Variants in DGCR2 observed in about 807,000 individuals in gnomAD.
DGCR2 encodes DiGeorge syndrome critical region gene 2.
In DGCR2, 24 loss-of-function variants were observed where a neutral mutation model predicts 51.6. That is an observed-to-expected ratio of 0.47 (90% CI 0.34 to 0.65). The LOEUF (loss-of-function observed/expected upper bound fraction) is 0.65, where lower values mean the gene tolerates loss of function less well. Ranked by LOEUF, DGCR2 falls within the 30% of genes least tolerant of loss-of-function variation. DGCR2 has a pLI of 0.01. For synonymous variants in DGCR2, 340 were observed against 315.4 expected, an observed-to-expected ratio of 1.08 and a Z score of -0.82; for missense variants, 765 against 772.1, an observed-to-expected ratio of 0.99 and a Z score of 0.11.
chr22:19,095,307 A>C (rs889137399), intron 1 of DGCR2, among the ~76,000 whole-genome samples: 2 of 152,108 alleles, frequency 1.3e-5, no homozygotes, highest in African/African-American at 4.8e-5. Context: ...GGTTGCAGTG[A>C]GTCGAAATCA....
At chr22:19,046,020 G>A (rs1002944370) in intron 7 of DGCR2, 1 of 152,106 alleles carries the variant, frequency 6.6e-6, no homozygotes, top group Non-Finnish European at 1.5e-5. Flanking sequence ...GAGACACCAT[G>A]CCTCGCTCCA....
chr22:19,067,737 C>T (rs983501644), intron 3 of DGCR2, among the ~76,000 whole-genome samples: 5 of 151,182 alleles, frequency 3.3e-5, no homozygotes, highest in Non-Finnish European at 7.4e-5. Context: ...AATAAGGAGT[C>T]GAGCCTTCCC....
In DGCR2 at chr22:19,041,305, A is replaced by G. The variant is rs201045392; in HGVS notation, c.1160-11T>C. 2.5e-6 allele frequency: 4 copies of G among 1,612,346 alleles called. No individual in the cohort carries two copies. Among genetic ancestry groups the G allele is most frequent in the African/African-American group, 2.7e-5 (2 of 75,044 alleles). ...GGTTGAAGTGGTGCACTGGGCCATC[A>G]AAAGTGTGCAACGGGAACAGAGACA... On this transcript the variant is annotated splice_polypyrimidine_tract_variant and intron_variant, in intron 8 of 9. Coordinates refer to ENST00000263196, the MANE Select transcript of DGCR2 (RefSeq NM_005137.3).
chr22:19,101,617 T>C (rs2083202869), intron 1 of DGCR2, among the ~76,000 whole-genome samples: 2 of 152,016 alleles, frequency 1.3e-5, no homozygotes, highest in African/African-American at 4.8e-5. Flanking sequence ...GGCGCACACC[T>C]GTAGTTCCAA....
chr22:19,113,497 A>C (rs2083339702), intron 1 of DGCR2, among the ~76,000 whole-genome samples: 2 of 152,348 alleles, frequency 1.3e-5, no homozygotes, highest in South Asian at 4.1e-4. Flanking sequence ...GTAGCTAGCA[A>C]TAAACACATC....
At chr22:19,088,544 A>G (rs986545205) in intron 2 of DGCR2, among the ~76,000 whole-genome samples, 8 of 152,368 alleles carry the variant, frequency 5.3e-5, no homozygotes, top group Non-Finnish European at 1.0e-4. Flanking sequence ...TTGGCAAAGC[A>G]GACCTAAACC....
intron 7 of DGCR2, chr22:19,045,452 C>T (rs2871010): frequency 0.43 from 65,312 of 152,092 alleles, 14,363 homozygotes; most frequent in African/African-American, 0.53. Context: ...TATGTGTCTG[C>T]CCCTTCATCG....
intron 6 of DGCR2, among the ~76,000 whole-genome samples, chr22:19,049,826 CAAAAAAAA>C (rs538842818): frequency 9.1e-6 from 1 of 110,282 alleles, no homozygotes. Flanking sequence ...GACTCTGTCT[CAAAAAAAA>C]AAAAAAAAAA....
In DGCR2 at chr22:19,085,103, T is replaced by TG. The variant is rs1332164629; in HGVS notation, c.202+4264dup. Among the ~76,000 whole-genome samples, 351 of 117,380 alleles carry TG rather than the reference T, an allele frequency of 3.0e-3. 1 individual carries two copies. The highest frequency in any genetic ancestry group is 0.011 in the African/African-American group (290 of 27,446). The allele number at this position is 117,380 out of a possible 152,430, so 77.0% of individuals were successfully genotyped here. ...TGTACTAAGAAAAATTCTCCTGCCT[T>TG]GGAAAAAAAAAAAAAAACAAAGATG... On this transcript the variant is annotated intron_variant, in intron 2 of 9. Coordinates refer to ENST00000263196, the MANE Select transcript of DGCR2 (RefSeq NM_005137.3).
chr22:19,074,652 A>T (rs759907939), intron 2 of DGCR2, among the ~76,000 whole-genome samples: 1 of 152,354 alleles, frequency 6.6e-6, no homozygotes, highest in Non-Finnish European at 1.5e-5. Flanking sequence ...CTTGAAAATT[A>T]GAGGGGTTCA....
chr22:19,105,023 C>T (rs2083246963), intron 1 of DGCR2, among the ~76,000 whole-genome samples: 1 of 152,106 alleles, frequency 6.6e-6, no homozygotes, highest in South Asian at 2.1e-4. Context: ...CTCCAGATGC[C>T]CTCAAGAAGG....
At chr22:19,117,229 G>A (rs1761635604) in intron 1 of DGCR2, among the ~76,000 whole-genome samples, 1 of 152,266 alleles carries the variant, frequency 6.6e-6, no homozygotes, top group African/African-American at 2.4e-5. Context: ...TGGGAAGGAA[G>A]GGGTGGGGAA....
rs2082515226 is a variant in DGCR2 at position 19,048,540 on chromosome 22, C to T, written c.906G>A (p.Glu302=). ...PCLSCTCHGG[E]PEMCVAALCE... ...AGAGAGCAGCCACACACATCTCAGG[C>T]TCCCCTCCATGGCAGGTGCAGCTCA... Residue 302 remains glutamate, a synonymous_variant, in exon 7 of 10, where the codon GAG becomes GAA. Transcript: ENST00000263196. 1.2e-6 allele frequency: 2 copies of T among 1,614,130 alleles called. No homozygotes were observed. The highest frequency in any genetic ancestry group is 1.3e-5 in the African/African-American group (1 of 74,942).
chr22:19,083,288 G>T (rs2082962054), intron 2 of DGCR2, among the ~76,000 whole-genome samples: 1 of 152,164 alleles, frequency 6.6e-6, no homozygotes, highest in Admixed American at 6.5e-5. Flanking sequence ...TGGAATTCAA[G>T]CTTCTTAGGT....
chr22:19,051,165 G>A (rs962947641), intron 6 of DGCR2, among the ~76,000 whole-genome samples: 2 of 135,712 alleles, frequency 1.5e-5, no homozygotes, highest in African/African-American at 5.7e-5. Flanking sequence ...CTCCAGCCTG[G>A]GCAACAGAGT....
chr22:19,056,122 C>T (rs947264194), intron 6 of DGCR2: 2 of 152,624 alleles, frequency 1.3e-5, no homozygotes, highest in Non-Finnish European at 2.9e-5. Flanking sequence ...AGATCGACAC[C>T]ATCCTAACAC....
chr22:19,038,907 C>T lies in DGCR2; in HGVS notation c.1611G>A (p.Gly537=), dbSNP rs769865450. The change falls in exon 10 of 10, where the codon GGG becomes GGA. Residue 537 remains glycine (G), a synonymous_variant. Transcript: ENST00000263196. ...GSTPAAEALP[G]GGRHSRSSLN... ...GGGAGCTGCGGCTGTGGCGGCCACCCCCTGGCAGTGCCTCTGCAGCTGGGG... is the reference window on the plus strand; with the variant it reads ...GGGAGCTGCGGCTGTGGCGGCCACCTCCTGGCAGTGCCTCTGCAGCTGGGG... The T allele has an allele frequency of 3.1e-6, 5 of 1,612,840 alleles. No homozygotes were observed. The South Asian group carries it at 5.5e-5, about 18-fold the overall frequency.
chr22:19,113,983 C>G (rs2083345508), intron 1 of DGCR2, among the ~76,000 whole-genome samples: 1 of 149,672 alleles, frequency 6.7e-6, no homozygotes, highest in Admixed American at 6.7e-5. Flanking sequence ...CACTTGAACC[C>G]AGGAAGTGGA....
At chr22:19,080,736 T>G (rs183955738) in intron 2 of DGCR2, among the ~76,000 whole-genome samples, 1 of 152,284 alleles carries the variant, frequency 6.6e-6, no homozygotes, top group East Asian at 1.9e-4. Flanking sequence ...CTCAGGAGGC[T>G]GAGGTGGGAG....
Sources: allele counts gnomAD v4.1 joint callset (sites outside exome capture counted in the v4.1 genomes callset), GRCh38; gene constraint gnomAD v4.1.1; transcripts MANE v1.5; gene names NCBI Gene and HGNC (gene_info 2026-07-23, HGNC 2026-07-21).